RMST: variants seen among roughly 807,000 people sequenced by gnomAD.
RMST encodes long intergenic non-protein coding RNA 54.
At chr12:97,512,173 C>T (rs1020666684) in intron 10 of RMST, among the ~76,000 whole-genome samples, 6 of 151,946 alleles carry the variant, frequency 3.9e-5, no homozygotes, top group East Asian at 3.9e-4. Flanking sequence ...TGCAGACTTT[C>T]GCAGCGAGTG....
chr12:97,469,020 A>C, intron 5 of RMST, among the ~76,000 whole-genome samples: 1 of 151,848 alleles, frequency 6.6e-6, no homozygotes, highest in Non-Finnish European at 1.5e-5. Flanking sequence ...ATCGCAATCC[A>C]AATTATTTTG....
chr12:97,512,252 T>C (rs1592712356), intron 10 of RMST, among the ~76,000 whole-genome samples: 1 of 151,856 alleles, frequency 6.6e-6, no homozygotes, highest in Admixed American at 6.6e-5. Flanking sequence ...GCTTCAGGAG[T>C]GAAGCTGCAG....
intron 5 of RMST, among the ~76,000 whole-genome samples, chr12:97,473,272 A>G (rs1339747114): frequency 6.6e-6 from 1 of 152,162 alleles, no homozygotes; most frequent in African/African-American, 2.4e-5. Context: ...CATTTCATAA[A>G]AACTTTAAAA....
At chr12:97,551,680 T>G (rs1883322527) in intron 11 of RMST, among the ~76,000 whole-genome samples, 1 of 152,230 alleles carries the variant, frequency 6.6e-6, no homozygotes, top group South Asian at 2.1e-4. Context: ...GGCATCTATA[T>G]GCTAATATGT....
chr12:97,523,599 T>C (rs1469923868), intron 10 of RMST, among the ~76,000 whole-genome samples: 1 of 152,240 alleles, frequency 6.6e-6, no homozygotes, highest in East Asian at 1.9e-4. Context: ...AGTTATTACA[T>C]GTGAATTAAA....
At chr12:97,540,945 GATATAGAT>G (rs1351932194) in intron 11 of RMST, among the ~76,000 whole-genome samples, 8 of 87,794 alleles carry the variant, frequency 9.1e-5, no homozygotes, top group African/African-American at 4.9e-4. Flanking sequence ...GAGATAGATA[GATATAGAT>G]ATAGATATAG....
intron 11 of RMST, among the ~76,000 whole-genome samples, chr12:97,555,296 A>C (rs1337569990): frequency 6.6e-6 from 1 of 152,138 alleles, no homozygotes; most frequent in Non-Finnish European, 1.5e-5. Context: ...CCTTTCATTT[A>C]ATGTTTACCT....
chr12:97,545,425 A>G (rs1301271068), intron 11 of RMST, among the ~76,000 whole-genome samples: 1 of 152,028 alleles, frequency 6.6e-6, no homozygotes, highest in African/African-American at 2.4e-5. Flanking sequence ...GATAAATAAG[A>G]GATTTGTGGG....
chr12:97,561,254 C>T (rs1246574993), intron 13 of RMST, among the ~76,000 whole-genome samples: 1 of 152,094 alleles, frequency 6.6e-6, no homozygotes, highest in African/African-American at 2.4e-5. Context: ...TCAATTTAGG[C>T]GGAAAGGCTC....
At chr12:97,546,208 A>C (rs901497215) in intron 11 of RMST, among the ~76,000 whole-genome samples, 1 of 152,046 alleles carries the variant, frequency 6.6e-6, no homozygotes, top group African/African-American at 2.4e-5. Flanking sequence ...GAGGACTTTT[A>C]ATTTTTCCCT....
At chr12:97,543,744 A>C (rs1409419602) in intron 11 of RMST, among the ~76,000 whole-genome samples, 1 of 151,968 alleles carries the variant, frequency 6.6e-6, no homozygotes, top group Non-Finnish European at 1.5e-5. Context: ...ATGAATGGAA[A>C]ATGGAAGCAC....
At chr12:97,479,628 T>A (rs532408173) in intron 5 of RMST, among the ~76,000 whole-genome samples, 2 of 152,314 alleles carry the variant, frequency 1.3e-5, no homozygotes, top group African/African-American at 2.4e-5. Context: ...TCCCCTGGCT[T>A]CCACTGTACC....
At chr12:97,533,298 T>C (rs1020704123) in intron 11 of RMST, 2 of 151,874 alleles carry the variant, frequency 1.3e-5, no homozygotes, top group Non-Finnish European at 2.9e-5. Flanking sequence ...ATGACATCTC[T>C]ATTCTAGTTC....
At chr12:97,471,422 C>A (rs1268541996) in intron 5 of RMST, among the ~76,000 whole-genome samples, 1 of 152,124 alleles carries the variant, frequency 6.6e-6, no homozygotes, top group Admixed American at 6.6e-5. Flanking sequence ...GATAAGTGAG[C>A]ATAAAGCTTT....
intron 5 of RMST, among the ~76,000 whole-genome samples, chr12:97,466,626 C>A (rs1393773338): frequency 6.6e-6 from 1 of 152,030 alleles, no homozygotes; most frequent in Non-Finnish European, 1.5e-5. Context: ...GGGGAAAAGG[C>A]CTGTAATGAC....
intron 5 of RMST, among the ~76,000 whole-genome samples, chr12:97,481,782 A>G (rs1242422399): frequency 1.3e-5 from 2 of 152,194 alleles, no homozygotes; most frequent in Admixed American, 6.5e-5. Flanking sequence ...TCTTTTTAGA[A>G]TAAAGTTGGG....
chr12:97,524,914 T>C (rs1369593193), intron 10 of RMST, among the ~76,000 whole-genome samples: 1 of 152,244 alleles, frequency 6.6e-6, no homozygotes. Context: ...TGTTTTAAGC[T>C]CATATCACAT....
At chr12:97,480,297 A>G (rs1486844398) in intron 5 of RMST, among the ~76,000 whole-genome samples, 1 of 151,870 alleles carries the variant, frequency 6.6e-6, no homozygotes, top group Non-Finnish European at 1.5e-5. Context: ...TCACCGTGTT[A>G]GCTAGGATGG....
intron 10 of RMST, among the ~76,000 whole-genome samples, chr12:97,501,277 C>T (rs1878045944): frequency 6.6e-6 from 1 of 152,136 alleles, no homozygotes; most frequent in Non-Finnish European, 1.5e-5. Flanking sequence ...GTCATTGCCC[C>T]TACTTTTTGT....
Sources: gnomAD v4.1 joint callset for allele counts (sites outside exome capture counted in the v4.1 genomes callset) on GRCh38, gnomAD v4.1.1 for gene constraint, MANE v1.5 for transcripts, NCBI Gene and HGNC (gene_info 2026-07-23, HGNC 2026-07-21) for gene names.